Variants in SPATA9 observed in about 807,000 individuals in gnomAD.
The protein encoded by SPATA9 is spermatogenesis associated 9, also known as spermatogenesis-associated protein 9.
A neutral mutation model predicts 25.5 loss-of-function variants in SPATA9; 27 were observed. That is an observed-to-expected ratio of 1.06 (90% CI 0.78 to 1.46). SPATA9 has a LOEUF of 1.46. Ranked by LOEUF, SPATA9 falls within the 40% of genes most tolerant of loss-of-function variation. SPATA9 has a pLI of 0.00. For missense variants in SPATA9, 282 were observed against 297.5 expected (o/e 0.95, Z 0.38); for synonymous variants, 102 against 105.7 (o/e 0.97, Z 0.21).
intron 1 of SPATA9, among the ~76,000 whole-genome samples, chr5:95,689,465 CT>C (rs1477901759): frequency 6.6e-6 from 1 of 151,972 alleles, no homozygotes; most frequent in African/African-American, 2.4e-5. Flanking sequence ...TTTTTTAAAG[CT>C]GTATATCAAA....
chr5:95,718,260 G>A, the SPATA9 span, among the ~76,000 whole-genome samples: 10 of 152,296 alleles, frequency 6.6e-5, no homozygotes, highest in East Asian at 1.9e-3. Context: ...AAGAGCAGTA[G>A]AGAGATAAGA....
rs1752819809 is a variant in SPATA9 at position 95,675,323 on chromosome 5, A to G, written c.378+89T>C. ...AAGTATATCTGTTTTACACTGGACA[A>G]TCAAGTTCACCACATTTTATTTTTC... On this transcript the variant is annotated intron_variant, in intron 3 of 4. Coordinates refer to ENST00000274432, the MANE Select transcript of SPATA9 (RefSeq NM_031952.4). 2.8e-6 allele frequency: 3 copies of G among 1,076,622 alleles called. No homozygotes were observed. In the African/African-American group the frequency reaches 4.8e-5, roughly 17 times the overall value. The allele number at this position is 1,076,622 out of a possible 1,614,324, so 66.7% of individuals were successfully genotyped here.
In SPATA9 at chr5:95,664,039, C is replaced by T. The variant is rs1054012363; in HGVS notation, c.388G>A (p.Gly130Ser). ...QPLYNIQVRK[G>S]SLFEIISFPA... Reference sequence around the variant, plus strand: ...AAGGAGATGATTTCAAACAAAGAACCCTTTCTGACCTGCAAAAACAGAAAA... The same window carrying T: ...AAGGAGATGATTTCAAACAAAGAACTCTTTCTGACCTGCAAAAACAGAAAA... Residue 130 changes from glycine to serine, a missense_variant, in exon 4 of 5, where the codon GGT (glycine) becomes AGT (serine). Gly to Ser is a moderately conservative substitution (Grantham distance 56, BLOSUM62 0). Transcript: ENST00000274432. The T allele has an allele frequency of 2.6e-6, 4 of 1,553,256 alleles. No homozygotes were observed. Among genetic ancestry groups the T allele is most frequent in the South Asian group, 1.2e-5 (1 of 80,232 alleles).
At chr5:95,728,964 A>G in the SPATA9 span, among the ~76,000 whole-genome samples, 3 of 152,244 alleles carry the variant, frequency 2.0e-5, no homozygotes, top group Non-Finnish European at 4.4e-5. Flanking sequence ...CAATGAGTCT[A>G]CAAATGTCAC....
chr5:95,700,505 G>T (rs141566827), upstream of SPATA9, among the ~76,000 whole-genome samples: 1 of 152,152 alleles, frequency 6.6e-6, no homozygotes, highest in South Asian at 2.1e-4. Flanking sequence ...TCACCACGTC[G>T]GTCAGGCTGG....
At chr5:95,683,313 A>T (rs1753609303), upstream of SPATA9, among the ~76,000 whole-genome samples, 1 of 152,198 alleles carries the variant, frequency 6.6e-6, no homozygotes, top group Non-Finnish European at 1.5e-5. Context: ...AAGACTTCTG[A>T]ATAGATTGTT....
Position 95,691,678 on chromosome 5 carries a change from T to C in SPATA9, n.124+6910A>G, listed in dbSNP as rs147383097. On this transcript the variant is annotated intron_variant and non_coding_transcript_variant, in intron 1 of 2. Transcript: ENST00000379990. ...TTTATCTCTTCTTTTTCCATGTTAA[T>C]GCCAATTATTTTATTCTCCTATTTT... 3.0e-3 allele frequency among the ~76,000 whole-genome samples: 451 copies of C among 152,330 alleles called. 3 individuals are homozygous for C. Among genetic ancestry groups the C allele is most frequent in the African/African-American group, 0.01 (427 of 41,582 alleles).
rs1186615686 is a variant in SPATA9, at chr5:95,662,062, T to C, written c.474+1891A>G. ...CTCCTGTAATTAATACAGTGCTCAA[T>C]TGGTACAAGAATAGACAAATAGACC... On this transcript the variant is annotated intron_variant, in intron 4 of 4. Transcript: ENST00000274432. Among the ~76,000 whole-genome samples the C allele has an allele frequency of 3.3e-5, 5 of 152,124 alleles. No individual in the cohort carries two copies. In the South Asian group the frequency reaches 6.2e-4, roughly 19 times the overall value.
chr5:95,652,555 G>A (rs1750411035), downstream of SPATA9: 1 of 474,442 alleles, frequency 2.1e-6, no homozygotes, highest in Non-Finnish European at 3.5e-6. Flanking sequence ...TGGCACTACA[G>A]TTCACCTAGC....
chr5:95,711,951 C>G, the SPATA9 span, among the ~76,000 whole-genome samples: 3 of 152,190 alleles, frequency 2.0e-5, no homozygotes, highest in Non-Finnish European at 4.4e-5. Context: ...AAACTTGGGC[C>G]ATTCTACTTT....
chr5:95,691,079 G>C (rs1007293485), intron 1 of SPATA9, among the ~76,000 whole-genome samples: 1 of 152,180 alleles, frequency 6.6e-6, no homozygotes, highest in East Asian at 1.9e-4. Context: ...AGCTGGGCCT[G>C]GTGGCGGGCG....
the SPATA9 span, among the ~76,000 whole-genome samples, chr5:95,705,077 T>G: frequency 6.6e-6 from 1 of 152,038 alleles, no homozygotes; most frequent in Admixed American, 6.6e-5. Flanking sequence ...CCCAAGCAGC[T>G]GGAACTACAG....
upstream of SPATA9, chr5:95,683,019 G>A (rs1753593137): frequency 1.5e-5 from 19 of 1,275,232 alleles, no homozygotes; most frequent in Non-Finnish European, 1.5e-5. Context: ...CTGTACAATA[G>A]GCTTCCGAGA....
At chr5:95,728,605 C>T in the SPATA9 span, among the ~76,000 whole-genome samples, 5 of 152,268 alleles carry the variant, frequency 3.3e-5, no homozygotes, top group South Asian at 6.2e-4. Flanking sequence ...GGTCTAGGAA[C>T]TAGAATGTTT....
downstream of SPATA9, chr5:95,656,199 G>A: frequency 6.2e-7 from 1 of 1,614,032 alleles, no homozygotes; most frequent in South Asian, 1.1e-5. Flanking sequence ...GATTCACACA[G>A]TGACAGTAGA....
intron 3 of SPATA9, among the ~76,000 whole-genome samples, chr5:95,673,803 G>T (rs1580323566): frequency 6.7e-6 from 1 of 150,114 alleles, no homozygotes; most frequent in Middle Eastern, 3.4e-3. Context: ...GAAGTGCAGT[G>T]GTGCAATCTT....
At chr5:95,680,906 ATTC>A (rs1475571028) in intron 2 of SPATA9, among the ~76,000 whole-genome samples, 5 of 152,154 alleles carry the variant, frequency 3.3e-5, no homozygotes, top group Non-Finnish European at 1.5e-5. Context: ...CGGGATCACT[ATTC>A]TTCTAGCCAC....
chr5:95,726,322 C>T, the SPATA9 span, among the ~76,000 whole-genome samples: 1 of 152,114 alleles, frequency 6.6e-6, no homozygotes, highest in Non-Finnish European at 1.5e-5. Flanking sequence ...ATTTTTAAGA[C>T]AGCTCAGAAG....
At chr5:95,699,452 C>T (rs1038832879), upstream of SPATA9, among the ~76,000 whole-genome samples, 1 of 151,988 alleles carries the variant, frequency 6.6e-6, no homozygotes, top group Non-Finnish European at 1.5e-5. Flanking sequence ...GAAACATTTA[C>T]CAGGAACTAG....
Sources: gnomAD v4.1 joint callset for allele counts (sites outside exome capture counted in the v4.1 genomes callset) on GRCh38, gnomAD v4.1.1 for gene constraint, MANE v1.5 for transcripts, NCBI Gene and HGNC (gene_info 2026-07-23, HGNC 2026-07-21) for gene names.